KCND2: variants seen among roughly 807,000 people sequenced by gnomAD.
The protein encoded by KCND2 is potassium voltage-gated channel subfamily D member 2, also known as A-type voltage-gated potassium channel KCND2.
KCND2 carries 16 observed loss-of-function variants against 54.4 expected under a neutral mutation model. The ratio of observed to expected loss-of-function variants is 0.29; its 90% CI spans 0.20 to 0.45. The LOEUF (loss-of-function observed/expected upper bound fraction) is 0.45, where lower values mean the gene tolerates loss of function less well. Among genes scored for constraint, KCND2 ranks in the 20% least tolerant of loss-of-function variants. KCND2 has a pLI of 1.00. For synonymous variants in KCND2, 317 were observed against 310.7 expected (o/e 1.02, Z -0.21); for missense variants, 486 against 824.2 (o/e 0.59, Z 5.02).
At chr7:120,294,120 A>G (rs1799475359) in intron 1 of KCND2, among the ~76,000 whole-genome samples, 1 of 152,014 alleles carries the variant, frequency 6.6e-6, no homozygotes, top group Non-Finnish European at 1.5e-5. Context: ...AATTTAGTGA[A>G]AAGGTGGGTA....
chr7:120,549,343 T>TTC (rs1162066164), intron 1 of KCND2, among the ~76,000 whole-genome samples: 1 of 152,162 alleles, frequency 6.6e-6, no homozygotes, highest in Non-Finnish European at 1.5e-5. Context: ...ATTAGCTATT[T>TTC]TCTATTGAGG....
chr7:120,486,524 G>T (rs964018759), intron 1 of KCND2, among the ~76,000 whole-genome samples: 5 of 152,028 alleles, frequency 3.3e-5, no homozygotes, highest in Non-Finnish European at 5.9e-5. Context: ...AGGACCAGAG[G>T]TTTACTTTCC....
At chr7:120,284,563 G>C (rs1208960144) in intron 1 of KCND2, among the ~76,000 whole-genome samples, 1 of 152,016 alleles carries the variant, frequency 6.6e-6, no homozygotes, top group Non-Finnish European at 1.5e-5. Flanking sequence ...TGCCCTACAG[G>C]CTATTCCTAA....
intron 2 of KCND2, among the ~76,000 whole-genome samples, chr7:120,734,896 A>G (rs1262071783): frequency 6.6e-6 from 1 of 152,126 alleles, no homozygotes; most frequent in Admixed American, 6.6e-5. Flanking sequence ...TTAAGCACGC[A>G]TATGAACAAT....
intron 1 of KCND2, among the ~76,000 whole-genome samples, chr7:120,671,560 A>G (rs975212579): frequency 6.6e-6 from 1 of 152,144 alleles, no homozygotes; most frequent in African/African-American, 2.4e-5. Flanking sequence ...TACAACAGCA[A>G]CCAACTCACT....
intron 1 of KCND2, among the ~76,000 whole-genome samples, chr7:120,615,869 A>T (rs112106006): frequency 5.9e-5 from 9 of 152,300 alleles, no homozygotes; most frequent in African/African-American, 2.2e-4. Flanking sequence ...GGGTCAAACC[A>T]CATGAACTCT....
At chr7:120,448,437 C>G (rs962072908) in intron 1 of KCND2, among the ~76,000 whole-genome samples, 3 of 152,040 alleles carry the variant, frequency 2.0e-5, no homozygotes, top group Non-Finnish European at 4.4e-5. Flanking sequence ...CATTGATGGA[C>G]ATTTGGGTTG....
At chr7:120,386,270 C>G (rs374365087) in intron 1 of KCND2, among the ~76,000 whole-genome samples, 2 of 152,096 alleles carry the variant, frequency 1.3e-5, no homozygotes, top group East Asian at 3.9e-4. Context: ...TTCTCCCACA[C>G]CATTTTATGA....
chr7:120,746,041 A>G lies in KCND2; in HGVS notation c.1715+14A>G, dbSNP rs1462017928. The G allele has an allele frequency of 1.9e-6, 3 of 1,611,440 alleles. No homozygotes were observed. The highest frequency in any genetic ancestry group is 1.3e-5 in the African/African-American group (1 of 74,896). ...TCTGTCTAACAGGTACCTGAGATTAATCTGTGTTGTCTACACACCTGTGCT... is the reference window on the plus strand; with the variant it reads ...TCTGTCTAACAGGTACCTGAGATTAGTCTGTGTTGTCTACACACCTGTGCT... On this transcript the variant is annotated intron_variant, in intron 5 of 5. Transcript: ENST00000331113.
chr7:120,385,502 A>G (rs7810357), intron 1 of KCND2, among the ~76,000 whole-genome samples: 101,940 of 152,042 alleles, frequency 0.67, 38,803 homozygotes, highest in East Asian at 0.91. Flanking sequence ...TAAGCAAAAC[A>G]TAGCAAATAA....
chr7:120,641,984 G>A (rs866222086), intron 1 of KCND2, among the ~76,000 whole-genome samples: 1 of 151,918 alleles, frequency 6.6e-6, no homozygotes, highest in Non-Finnish European at 1.5e-5. Context: ...ATGGTTGTTA[G>A]GATTTTGATG....
At chr7:120,469,435 G>A (rs1371660925) in intron 1 of KCND2, among the ~76,000 whole-genome samples, 1 of 152,134 alleles carries the variant, frequency 6.6e-6, no homozygotes, top group Non-Finnish European at 1.5e-5. Flanking sequence ...CATTAAATAT[G>A]TCCTGTGTGT....
At chr7:120,578,414 G>A (rs1792467912) in intron 1 of KCND2, among the ~76,000 whole-genome samples, 1 of 152,026 alleles carries the variant, frequency 6.6e-6, no homozygotes, top group African/African-American at 2.4e-5. Context: ...TGCTAATCTA[G>A]CACATTAAAA....
intron 1 of KCND2, among the ~76,000 whole-genome samples, chr7:120,313,202 T>G (rs557776572): frequency 6.6e-6 from 1 of 152,304 alleles, no homozygotes; most frequent in African/African-American, 2.4e-5. Context: ...TTGAAACATA[T>G]TTAGATAAGA....
intron 1 of KCND2, among the ~76,000 whole-genome samples, chr7:120,342,952 T>A (rs1342566496): frequency 6.6e-6 from 1 of 152,012 alleles, no homozygotes; most frequent in East Asian, 1.9e-4. Flanking sequence ...TCTTAGAAAG[T>A]GGTCTATTGG....
intron 1 of KCND2, among the ~76,000 whole-genome samples, chr7:120,601,684 T>A (rs1462688967): frequency 6.6e-6 from 1 of 152,152 alleles, no homozygotes. Context: ...CATCAAATGA[T>A]TTGAGAGTTG....
chr7:120,543,018 A>C (rs1179580016), intron 1 of KCND2, among the ~76,000 whole-genome samples: 1 of 152,046 alleles, frequency 6.6e-6, no homozygotes, highest in South Asian at 2.1e-4. Context: ...ATATGCACAC[A>C]TACACACAGC....
chr7:120,463,009 A>G (rs1004328138), intron 1 of KCND2, among the ~76,000 whole-genome samples: 4 of 152,118 alleles, frequency 2.6e-5, no homozygotes, highest in Admixed American at 2.0e-4. Flanking sequence ...GCCATGCTGC[A>G]GTAACAAATC....
intron 1 of KCND2, among the ~76,000 whole-genome samples, chr7:120,577,697 T>C (rs1357825978): frequency 6.6e-6 from 1 of 152,188 alleles, no homozygotes; most frequent in Non-Finnish European, 1.5e-5. Flanking sequence ...ACAATTCTCC[T>C]GCCTCAGCCT....
Sources: gnomAD v4.1 joint callset for allele counts (sites outside exome capture counted in the v4.1 genomes callset) on GRCh38, gnomAD v4.1.1 for gene constraint, MANE v1.5 for transcripts, NCBI Gene and HGNC (gene_info 2026-07-23, HGNC 2026-07-21) for gene names.